ANK3: variants seen among roughly 807,000 people sequenced by gnomAD.
ANK3 encodes ankyrin-3.
A neutral mutation model predicts 370.9 loss-of-function variants in ANK3; 57 were observed. The observed-to-expected ratio is 0.15, with a 90% CI of 0.12 to 0.19. The LOEUF is 0.19. ANK3 is among the 10% of genes least tolerant of loss of function. ANK3 has a pLI of 1.00. For missense variants in ANK3, 4,439 were observed against 5,302.1 expected (o/e 0.84, Z 5.06); for synonymous variants, 1,929 against 1,946.3 (o/e 0.99, Z 0.23).
intron 1 of ANK3, among the ~76,000 whole-genome samples, chr10:60,707,373 C>A (rs2079635419): frequency 6.6e-6 from 1 of 152,108 alleles, no homozygotes. Flanking sequence ...GGCTACCTTG[C>A]TTGAGTTAAT....
intron 23 of ANK3, among the ~76,000 whole-genome samples, chr10:60,163,772 T>A (rs1459806559): frequency 6.6e-6 from 1 of 152,224 alleles, no homozygotes; most frequent in Non-Finnish European, 1.5e-5. Flanking sequence ...ATTAAAATTT[T>A]ATTTTCCCTT....
At chr10:60,603,075 A>C (rs183354306) in intron 2 of ANK3, among the ~76,000 whole-genome samples, 6 of 152,276 alleles carry the variant, frequency 3.9e-5, no homozygotes, top group African/African-American at 1.4e-4. Context: ...CCTACTCAGC[A>C]AATGCTTGTG....
At chr10:60,468,831 T>C (rs1330173695) in intron 2 of ANK3, among the ~76,000 whole-genome samples, 1 of 151,390 alleles carries the variant, frequency 6.6e-6, no homozygotes, top group Non-Finnish European at 1.5e-5. Context: ...TAATAAAAGA[T>C]AGGGCTAAAA....
chr10:60,229,654 C>T (rs2097211809), intron 8 of ANK3, among the ~76,000 whole-genome samples: 1 of 152,184 alleles, frequency 6.6e-6, no homozygotes, highest in African/African-American at 2.4e-5. Flanking sequence ...AGCATAAATA[C>T]TTCTTTATTC....
chr10:60,580,274 G>A (rs891800297), intron 2 of ANK3, among the ~76,000 whole-genome samples: 1 of 152,134 alleles, frequency 6.6e-6, no homozygotes, highest in Non-Finnish European at 1.5e-5. Flanking sequence ...AGAAGACACA[G>A]CCTCTATTCT....
chr10:60,583,413 T>C (rs1006119945), intron 2 of ANK3, among the ~76,000 whole-genome samples: 3 of 152,026 alleles, frequency 2.0e-5, no homozygotes, highest in African/African-American at 7.2e-5. Flanking sequence ...TATAGTCAGA[T>C]AGGAGGAATA....
chr10:60,718,965 A>G (rs1010455396), intron 1 of ANK3, among the ~76,000 whole-genome samples: 3 of 152,124 alleles, frequency 2.0e-5, no homozygotes. Flanking sequence ...TGCTTATTTT[A>G]ATATATCAAA....
intron 1 of ANK3, among the ~76,000 whole-genome samples, chr10:60,726,575 C>T (rs2079943737): frequency 6.6e-6 from 1 of 152,178 alleles, no homozygotes; most frequent in African/African-American, 2.4e-5. Context: ...CAAGGTCATG[C>T]AGTTGCTACA....
Position 60,429,257 on chromosome 10 carries a change from T to C in ANK3, c.97-149618A>G, listed in dbSNP as rs371730180. 4.6e-5 allele frequency among the ~76,000 whole-genome samples: 7 copies of C among 152,268 alleles called. No homozygotes were observed. In the East Asian group the frequency reaches 9.6e-4, roughly 21 times the overall value. ...ATAAATAACACATCTTGAGGTGCTT[T>C]GTTATCTTCTCTCAAGCAGCCTATC... is the stretch of plus-strand genomic sequence containing the variant. On this transcript the variant is annotated intron_variant, in intron 2 of 43. Coordinates refer to the ANK3 transcript ENST00000373827.
chr10:60,262,992 T>C (rs1402733521), intron 6 of ANK3, among the ~76,000 whole-genome samples: 3 of 151,974 alleles, frequency 2.0e-5, no homozygotes, highest in Non-Finnish European at 2.9e-5. Flanking sequence ...AGAGGAGGGA[T>C]TGGGGATAAA....
upstream of ANK3, among the ~76,000 whole-genome samples, chr10:60,392,992 C>T (rs568798057): frequency 6.6e-6 from 1 of 152,110 alleles, no homozygotes; most frequent in Non-Finnish European, 1.5e-5. Context: ...TCTTAAGTGA[C>T]TTCCCTTTCT....
At chr10:60,081,714 C>A (rs938486860) in intron 35 of ANK3, 1 of 285,282 alleles carries the variant, frequency 3.5e-6, no homozygotes, top group East Asian at 9.2e-5. Flanking sequence ...AAAATAGGCA[C>A]ATGAAACTTT....
At chr10:60,261,647 C>T (rs1266829348) in intron 7 of ANK3, among the ~76,000 whole-genome samples, 1 of 152,194 alleles carries the variant, frequency 6.6e-6, no homozygotes, top group Non-Finnish European at 1.5e-5. Flanking sequence ...TCCATCCCAG[C>T]TAGCATTCCT....
intron 2 of ANK3, among the ~76,000 whole-genome samples, chr10:60,613,266 T>C (rs1045369449): frequency 3.3e-5 from 5 of 152,090 alleles, no homozygotes; most frequent in African/African-American, 1.2e-4. Context: ...TGGGAGAAAT[T>C]GGGAGGATTT....
Position 60,071,109 on chromosome 10 carries a change from G to A in ANK3, c.9772C>T (p.Pro3258Ser). Residue 3258 changes from proline (P) to serine (S), a missense_variant, in exon 37 of 44, where the codon CCA becomes TCA. By Grantham distance (74) the Pro-to-Ser change is moderately conservative. This residue lies in a region of ANK3 where 1,601 missense variants were observed against 1,731.7 expected (regional missense o/e 0.92). Coordinates refer to ENST00000280772, the MANE Select transcript of ANK3 (RefSeq NM_020987.5). The part of the protein sequence containing the change: ...RVAYIEFPPP[P>S]PLDADQIESD... ...TCAATCTGGTCCGCATCCAGTGGTG[G>A]AGGAGGGGGAAATTCAATATAGGCA... The A allele has an allele frequency of 6.2e-7, 1 of 1,614,160 alleles. No individual in the cohort carries two copies. Among genetic ancestry groups the A allele is most frequent in the South Asian group, 1.1e-5 (1 of 91,078 alleles).
intron 7 of ANK3, 47 bp downstream of exon 7, chr10:60,261,812 A>G: frequency 6.5e-7 from 1 of 1,536,340 alleles, no homozygotes; most frequent in Non-Finnish European, 9.0e-7. Context: ...GAGAGTATAA[A>G]ATAGTTGCAA....
chr10:60,043,476 G>C, intron 42 of ANK3: 1 of 985,260 alleles, frequency 1.0e-6, no homozygotes, highest in Non-Finnish European at 1.2e-6. Flanking sequence ...AATAACCAGA[G>C]ATGTTTTCTC....
intron 40 of ANK3, chr10:60,060,168 G>A (rs1029285827): frequency 1.3e-4 from 63 of 501,798 alleles, no homozygotes; most frequent in Non-Finnish European, 1.7e-4. Context: ...GTAACACAAT[G>A]AAATAAAAAG....
At chr10:60,245,129 A>C (rs1354755354) in intron 7 of ANK3, among the ~76,000 whole-genome samples, 1 of 152,182 alleles carries the variant, frequency 6.6e-6, no homozygotes, top group Non-Finnish European at 1.5e-5. Context: ...AGATTGCGCC[A>C]CTGCACTCCA....
Sources: gnomAD v4.1 joint callset for allele counts (sites outside exome capture counted in the v4.1 genomes callset) on GRCh38, gnomAD v4.1.1 for gene constraint, gnomAD v4.1.1 regional missense constraint, MANE v1.5 for transcripts, NCBI Gene and HGNC (gene_info 2026-07-23, HGNC 2026-07-21) for gene names.